The following CCDC7 variants were observed in gnomAD, a reference collection of about 807,000 sequenced individuals.
The protein encoded by CCDC7 is coiled-coil domain containing 7.
CCDC7 carries 183 observed loss-of-function variants against 196.9 expected under a neutral mutation model. The ratio of observed to expected loss-of-function variants is 0.93; its 90% confidence interval spans 0.82 to 1.05. The LOEUF is 1.05. Ranked by LOEUF, CCDC7 falls within the 50% of genes least tolerant of loss-of-function variation. The probability of loss-of-function intolerance (pLI) is 0.00; values close to 1 mark genes in which losing one functional copy is unlikely to be tolerated. For synonymous variants in CCDC7, 525 were observed against 484.6 expected (o/e 1.08, Z -1.10); for missense variants, 1,540 against 1,482.2 (o/e 1.04, Z -0.64).
chr10:32,553,720 C>T (rs796302527), intron 13 of CCDC7, among the ~76,000 whole-genome samples: 12 of 152,274 alleles, frequency 7.9e-5, no homozygotes, highest in African/African-American at 2.6e-4. Flanking sequence ...GTCTACCTGG[C>T]TCTGGGCTGC....
At chr10:32,665,375 A>G (rs1162731116) in intron 21 of CCDC7, among the ~76,000 whole-genome samples, 3 of 152,044 alleles carry the variant, frequency 2.0e-5, no homozygotes. Flanking sequence ...ATATTAAAAA[A>G]ATCTTTGCCC....
At chr10:32,550,259 C>T (rs2053245332) in intron 13 of CCDC7, among the ~76,000 whole-genome samples, 1 of 151,118 alleles carries the variant, frequency 6.6e-6, no homozygotes, top group African/African-American at 2.4e-5. Flanking sequence ...GTACATTAAT[C>T]TTGTATCCAG....
chr10:32,597,203 C>T (rs568895517), intron 18 of CCDC7, among the ~76,000 whole-genome samples: 2 of 152,310 alleles, frequency 1.3e-5, no homozygotes, highest in Admixed American at 6.5e-5. Flanking sequence ...TCCCATATTT[C>T]TTGGAGGCTT....
At chr10:32,692,504 TGA>T (rs1222900543) in intron 23 of CCDC7, among the ~76,000 whole-genome samples, 1 of 152,170 alleles carries the variant, frequency 6.6e-6, no homozygotes, top group African/African-American at 2.4e-5. Flanking sequence ...TGTGGGATGT[TGA>T]GTCTCTTGCA....
intron 24 of CCDC7, among the ~76,000 whole-genome samples, chr10:32,700,786 G>T (rs1436521286): frequency 2.6e-5 from 4 of 152,158 alleles, no homozygotes; most frequent in African/African-American, 7.2e-5. Flanking sequence ...TTGTAAGTTG[G>T]ATTCCTAGGT....
At chr10:32,719,650 C>T (rs1019690808) in intron 25 of CCDC7, among the ~76,000 whole-genome samples, 29 of 152,042 alleles carry the variant, frequency 1.9e-4, no homozygotes, top group Non-Finnish European at 8.8e-5. Flanking sequence ...CCAGAATCTA[C>T]AAGGAACTTA....
At chr10:32,782,219 T>G (rs866354474) in intron 29 of CCDC7, among the ~76,000 whole-genome samples, 6 of 34,662 alleles carry the variant, frequency 1.7e-4, no homozygotes, top group Middle Eastern at 0.028. Context: ...AGATAACTTG[T>G]TTTTTTTTTG....
chr10:32,723,244 C>T (rs1342664152), intron 25 of CCDC7, among the ~76,000 whole-genome samples: 3 of 152,030 alleles, frequency 2.0e-5, no homozygotes, highest in African/African-American at 7.2e-5. Context: ...TGCGTGATTA[C>T]CAGTTTTACA....
chr10:32,462,618 ATAT>A (rs2035970457), intron 3 of CCDC7, 62 bp from the exon 5 acceptor site: 5 of 1,217,088 alleles, frequency 4.1e-6, no homozygotes, highest in Middle Eastern at 5.3e-4. Flanking sequence ...ACTGAACTAA[ATAT>A]TATATTATAC....
At chr10:32,715,366 G>C (rs544710657) in intron 25 of CCDC7, among the ~76,000 whole-genome samples, 19 of 152,236 alleles carry the variant, frequency 1.2e-4, no homozygotes, top group African/African-American at 4.3e-4. Flanking sequence ...TCAACAAAAA[G>C]GAAACCCACG....
intron 8 of CCDC7, among the ~76,000 whole-genome samples, chr10:32,482,845 T>C (rs1363850232): frequency 6.6e-6 from 1 of 152,238 alleles, no homozygotes; most frequent in African/African-American, 2.4e-5. Flanking sequence ...TTTTTATGGC[T>C]GCATAGTATT....
chr10:32,579,148 G>A (rs1183207367), intron 16 of CCDC7, among the ~76,000 whole-genome samples: 1 of 152,096 alleles, frequency 6.6e-6, no homozygotes, highest in Admixed American at 6.5e-5. Flanking sequence ...TATAGCTTGT[G>A]TAAGGACAGA....
intron 29 of CCDC7, among the ~76,000 whole-genome samples, chr10:32,783,162 T>A (rs1592710383): frequency 6.6e-6 from 1 of 152,148 alleles, no homozygotes; most frequent in Admixed American, 6.5e-5. Flanking sequence ...AATAGGTAAG[T>A]TGGACTTCAT....
At chr10:32,808,717 T>G (rs1279217644) in intron 30 of CCDC7, among the ~76,000 whole-genome samples, 1 of 151,208 alleles carries the variant, frequency 6.6e-6, no homozygotes, top group African/African-American at 2.4e-5. Context: ...CAAGGACTGA[T>G]TCACCTGGGG....
At position 32,569,653 on chromosome 10, in the gene CCDC7, C is replaced by T. The variant is rs184243552; in HGVS notation, c.1419+1762C>T. 2.0e-4 allele frequency among the ~76,000 whole-genome samples: 30 copies of T among 152,254 alleles called. No homozygotes were observed. In the East Asian group the frequency reaches 2.1e-3, roughly 11 times the overall value. On this transcript the variant is annotated intron_variant, in intron 15 of 41. Coordinates refer to ENST00000639629, the Ensembl canonical transcript of CCDC7. The stretch of plus-strand genomic sequence containing the variant: ...ATGTTGGCCAGGCTGGTCTCGAACT[C>T]GTGACCTCAGGTGATCCACCTGCCT...
rs149981108 is a variant in CCDC7 at position 32,675,547 on chromosome 10, T to TA, written c.2123-10422dup. On this transcript the variant is annotated intron_variant, in intron 21 of 41. Transcript: ENST00000639629. ...TATACTAGAGTTAAAATGATTCATG[T>TA]ACCACTATTACAGTATTACATTATT... 7.9e-3 allele frequency: 1,205 copies of TA among 152,432 alleles called. 7 individuals are homozygous for TA. Among genetic ancestry groups the TA allele is most frequent in the Middle Eastern group, 0.023 (7 of 300 alleles). The allele number at this position is 152,432 out of a possible 1,614,324, so 9.4% of individuals were successfully genotyped here.
chr10:32,601,586 C>T (rs1590397146), intron 18 of CCDC7, among the ~76,000 whole-genome samples: 1 of 152,124 alleles, frequency 6.6e-6, no homozygotes, highest in East Asian at 1.9e-4. Context: ...ACTTGGAGAA[C>T]TTTTCTGTCT....
At chr10:32,675,019 A>T (rs550907995) in intron 21 of CCDC7, among the ~76,000 whole-genome samples, 3 of 152,056 alleles carry the variant, frequency 2.0e-5, no homozygotes, top group Non-Finnish European at 4.4e-5. Flanking sequence ...TGCAAATAGC[A>T]TATAGTGGAT....
At chr10:32,787,289 G>T (rs1372149121) in intron 29 of CCDC7, among the ~76,000 whole-genome samples, 2 of 147,736 alleles carry the variant, frequency 1.4e-5, no homozygotes, top group Non-Finnish European at 3.0e-5. Flanking sequence ...AAAATGCAAA[G>T]ACAGCCCTAT....
Sources: allele counts gnomAD v4.1 joint callset (sites outside exome capture counted in the v4.1 genomes callset), GRCh38; gene constraint gnomAD v4.1.1; transcripts MANE v1.5; gene names NCBI Gene and HGNC (gene_info 2026-07-23, HGNC 2026-07-21).